The following MYOCD variants were observed in gnomAD, a reference collection of about 807,000 sequenced individuals.
MYOCD encodes the protein myocardin.
Under a neutral mutation model 96.1 loss-of-function variants are expected in MYOCD, and 32 were observed. That is an observed-to-expected ratio of 0.33 (90% CI 0.25 to 0.45). The LOEUF (loss-of-function observed/expected upper bound fraction) is 0.45. Among genes scored for constraint, MYOCD ranks in the 20% least tolerant of loss-of-function variants. MYOCD has a pLI of 1.00. For synonymous variants in MYOCD, 469 were observed against 469.0 expected, an observed-to-expected ratio of 1.00 and a Z score of 0.00; for missense variants, 1,133 against 1,200.6, an observed-to-expected ratio of 0.94 and a Z score of 0.83.
In MYOCD at chr17:12,722,953, G is replaced by A; in HGVS notation, c.360G>A (p.Glu120=). 1 of 1,613,904 alleles carries A rather than the reference G, an allele frequency of 6.2e-7. No homozygotes were observed. The highest frequency in any genetic ancestry group is 8.5e-7 in the Non-Finnish European group (1 of 1,179,930). The change falls in exon 5 of 14, where the codon GAG becomes GAA. Residue 120 remains glutamate (E), a synonymous_variant. Coordinates refer to ENST00000425538, the MANE Select transcript of MYOCD (RefSeq NM_001146312.3). ...TTGCTCTACGACCAGGGCCACTGGA[G>A]CTGGTGGAAAAAAACATTCTTCCTG... The part of the protein sequence containing the change: ...EKIALRPGPL[E]LVEKNILPVD...
chr17:12,732,551 A>G (rs1216921546), intron 5 of MYOCD, among the ~76,000 whole-genome samples: 1 of 152,176 alleles, frequency 6.6e-6, no homozygotes, highest in Non-Finnish European at 1.5e-5. Flanking sequence ...TCCAGATACA[A>G]GGATCTCCTT....
At chr17:12,675,791 G>A (rs59501843) in intron 1 of MYOCD, among the ~76,000 whole-genome samples, 16,944 of 152,170 alleles carry the variant, frequency 0.11, 1,723 homozygotes, top group African/African-American at 0.27. Context: ...CCCAGGAGGC[G>A]GAGGTTGCAG....
In MYOCD at chr17:12,705,135, G is replaced by A. The variant is rs769708355; in HGVS notation, c.63G>A (p.Gln21=). The A allele has an allele frequency of 1.7e-5, 27 of 1,612,374 alleles. No individual in the cohort carries two copies. In the South Asian group the frequency reaches 2.7e-4, roughly 16 times the overall value. Residue 21 remains glutamine (Q), a synonymous_variant, in exon 2 of 14, where the codon CAG becomes CAA. Transcript: ENST00000425538. ...LIRSKFRSVL[Q]LRLQQRRTQE... Reference sequence around the variant, plus strand: ...AACACTCCCTTTTCTAAGTTTTACAGTTAAGACTTCAACAAAGAAGGACCC... The same window carrying A: ...AACACTCCCTTTTCTAAGTTTTACAATTAAGACTTCAACAAAGAAGGACCC...
chr17:12,669,304 G>A (rs1041559948), intron 1 of MYOCD, among the ~76,000 whole-genome samples: 1 of 152,130 alleles, frequency 6.6e-6, no homozygotes, highest in Admixed American at 6.5e-5. Context: ...AGAGATCCAT[G>A]AATGGATGTT....
chr17:12,674,556 A>G (rs959369005), intron 1 of MYOCD, among the ~76,000 whole-genome samples: 1 of 152,246 alleles, frequency 6.6e-6, no homozygotes, highest in Non-Finnish European at 1.5e-5. Flanking sequence ...ATAGTTATAT[A>G]AGAAATATCT....
In MYOCD at chr17:12,717,936, C is replaced by G. The variant is rs2031700231; in HGVS notation, c.253+515C>G. Among the ~76,000 whole-genome samples the G allele has an allele frequency of 3.3e-5, 5 of 152,144 alleles. No individual in the cohort carries two copies. In the South Asian group the frequency reaches 1.0e-3, roughly 32 times the overall value. ...CTGTGCTGGGGTATGTGAGACAAGG[C>G]AAACAAACAACTAACTGGTCCCCAT... On this transcript the variant is annotated intron_variant, in intron 4 of 13. Transcript: ENST00000425538.
chr17:12,758,509 A>G (rs1252142383), intron 12 of MYOCD, among the ~76,000 whole-genome samples: 2 of 152,196 alleles, frequency 1.3e-5, no homozygotes, highest in African/African-American at 4.8e-5. Context: ...AATAGGGATA[A>G]TATTTACTTG....
chr17:12,741,829 C>T (rs967647548), intron 7 of MYOCD, among the ~76,000 whole-genome samples: 1 of 151,974 alleles, frequency 6.6e-6, no homozygotes, highest in African/African-American at 2.4e-5. Flanking sequence ...TACAGACACC[C>T]AGCTGGTCCC....
chr17:12,671,357 A>G (rs555737238), intron 1 of MYOCD, among the ~76,000 whole-genome samples: 1 of 152,334 alleles, frequency 6.6e-6, no homozygotes, highest in East Asian at 1.9e-4. Flanking sequence ...AAACTAGAAC[A>G]AAAAGGAGAG....
chr17:12,734,865 A>G (rs1243888384), intron 5 of MYOCD, among the ~76,000 whole-genome samples: 4 of 150,620 alleles, frequency 2.7e-5, no homozygotes, highest in Non-Finnish European at 5.9e-5. Context: ...TTACTTTTAT[A>G]TTCATGGTAA....
Position 12,672,376 on chromosome 17 carries a change from C to T in MYOCD, c.55+6133C>T, listed in dbSNP as rs533281221. On this transcript the variant is annotated intron_variant, in intron 1 of 13. Transcript: ENST00000425538. ...GCCCAATAATAGTTTTGCAGCCTTA[C>T]GACGTTAGTACTTTGAATTTCTATT... Among the ~76,000 whole-genome samples the T allele has an allele frequency of 4.6e-5, 7 of 152,232 alleles. No homozygotes were observed. The South Asian group carries it at 1.2e-3, about 27-fold the overall frequency.
At chr17:12,748,086 C>T (rs1483846419) in intron 9 of MYOCD, among the ~76,000 whole-genome samples, 3 of 148,198 alleles carry the variant, frequency 2.0e-5, no homozygotes, top group East Asian at 2.0e-4. Context: ...CGCTTGAACC[C>T]GGGAGGTGGA....
intron 7 of MYOCD, among the ~76,000 whole-genome samples, chr17:12,743,960 C>G (rs1328037422): frequency 6.6e-6 from 1 of 152,212 alleles, no homozygotes; most frequent in East Asian, 1.9e-4. Flanking sequence ...ATTCAACATT[C>G]CCTGTCTAAG....
At chr17:12,701,373 C>T (rs913359343) in intron 1 of MYOCD, among the ~76,000 whole-genome samples, 1 of 152,152 alleles carries the variant, frequency 6.6e-6, no homozygotes, top group East Asian at 1.9e-4. Context: ...GATCGTGCCA[C>T]TGCACTCCAG....
chr17:12,722,279 C>T (rs1415116506), intron 4 of MYOCD, among the ~76,000 whole-genome samples: 2 of 152,172 alleles, frequency 1.3e-5, no homozygotes, highest in African/African-American at 4.8e-5. Context: ...TTCACACCCT[C>T]CAAATGATGA....
intron 1 of MYOCD, among the ~76,000 whole-genome samples, chr17:12,699,883 T>C (rs1173060094): frequency 6.7e-6 from 1 of 148,662 alleles, no homozygotes. Context: ...AAGATAGTAA[T>C]ATATATTTCT....
chr17:12,723,071 T>C, intron 5 of MYOCD, 63 bp downstream of exon 5: 2 of 1,504,580 alleles, frequency 1.3e-6, no homozygotes, highest in Non-Finnish European at 1.8e-6. Flanking sequence ...AGCCCGGAGC[T>C]CTGACATACT....
At chr17:12,761,598 C>CACAA (rs1175316883) in intron 13 of MYOCD, 1 of 48,994 alleles carries the variant, frequency 2.0e-5, no homozygotes, top group East Asian at 1.4e-3. Flanking sequence ...CATACACACA[C>CACAA]ACACACACAC....
chr17:12,714,361 A>ACACACACACACACACACACC (rs149778201), intron 2 of MYOCD, among the ~76,000 whole-genome samples: 2 of 148,258 alleles, frequency 1.3e-5, no homozygotes, highest in African/African-American at 2.5e-5. Flanking sequence ...ACACACACAC[A>ACACACACACACACACACACC]CCCCGATCTG....
Sources: allele counts gnomAD v4.1 joint callset (sites outside exome capture counted in the v4.1 genomes callset), GRCh38; gene constraint gnomAD v4.1.1; transcripts MANE v1.5; gene names NCBI Gene and HGNC (gene_info 2026-07-23, HGNC 2026-07-21).